Variants in IFT122 observed in about 807,000 individuals in gnomAD.
IFT122 encodes the protein intraflagellar transport 122, also known as intraflagellar transport protein 122 homolog.
IFT122 carries 118 observed loss-of-function variants against 161.6 expected under a neutral mutation model. That is an observed-to-expected ratio of 0.73 (90% CI 0.63 to 0.85). The LOEUF (loss-of-function observed/expected upper bound fraction) is 0.85, where lower values mean the gene tolerates loss of function less well. Ranked by LOEUF, IFT122 falls within the 40% of genes least tolerant of loss-of-function variation. IFT122 has a pLI of 0.00. For synonymous variants in IFT122, 550 were observed against 602.4 expected, an observed-to-expected ratio of 0.91 and a Z score of 1.27; for missense variants, 1,381 against 1,579.6, an observed-to-expected ratio of 0.87 and a Z score of 2.13.
chr3:129,497,652 C>G (rs931495238), intron 18 of IFT122, among the ~76,000 whole-genome samples: 4 of 152,128 alleles, frequency 2.6e-5, no homozygotes, highest in African/African-American at 9.7e-5. Context: ...TGCTCCGTCT[C>G]TCTATGAAGG....
At chr3:129,457,287 C>T (rs901571630) in intron 3 of IFT122, among the ~76,000 whole-genome samples, 3 of 152,172 alleles carry the variant, frequency 2.0e-5, no homozygotes, top group Non-Finnish European at 2.9e-5. Flanking sequence ...TATGAAAATG[C>T]GAATCTGATC....
rs6799876 is a variant in IFT122, at chr3:129,500,101, G to T, written c.2375+33G>T. On this transcript the variant is annotated intron_variant, in intron 19 of 29. Transcript: ENST00000348417. ...TTGGTCCCTGCCCCGAGAAGCATTT[G>T]GCAGCATGTCATCACATGTCACCTC... 0.11 allele frequency: 177,112 copies of T among 1,612,318 alleles called. 11,846 individuals carry two copies. The highest frequency in any genetic ancestry group is 0.25 in the South Asian group (22,570 of 90,988).
chr3:129,480,039 A>C, intron 13 of IFT122, 117 bp downstream of exon 13: 1 of 1,291,304 alleles, frequency 7.7e-7, no homozygotes, highest in Non-Finnish European at 1.1e-6. Context: ...TCTCTCCTCC[A>C]TGGGTGAATT....
At position 129,492,294 on chromosome 3, in the gene IFT122, CAG is replaced by C; in HGVS notation, c.2046+103_2046+104del. 1.2e-5 allele frequency: 12 copies of C among 967,266 alleles called. 1 individual carries two copies. The South Asian group carries it at 1.3e-4, about 10-fold the overall frequency. 59.9% of individuals were successfully genotyped at this position (967,266 alleles called of 1,614,324 possible). On this transcript the variant is annotated intron_variant, in intron 17 of 29. Transcript: ENST00000348417. ...GGCAAGAGCCTTGAGGACATGGGAA[CAG>C]AGCTCACTGGCGTCTGGGCATCTGG...
At position 129,520,328 on chromosome 3, in the gene IFT122, G is replaced by T; in HGVS notation, c.*63G>T. On this transcript the variant is annotated 3_prime_UTR_variant, in exon 30 of 30. Coordinates refer to ENST00000348417, the MANE Select transcript of IFT122 (RefSeq NM_052989.3). ...TTGGGGTCTGCTGGGCTGTGAAGGA[G>T]AATAAAGAGTTAAACTGTCAGAATG... The T allele has an allele frequency of 1.6e-6, 2 of 1,254,196 alleles. No individual in the cohort carries two copies. Among genetic ancestry groups the T allele is most frequent in the Non-Finnish European group, 1.1e-6 (1 of 878,788 alleles). The allele number at this position is 1,254,196 out of a possible 1,614,324, so 77.7% of individuals were successfully genotyped here. A position where few individuals can be genotyped will look rare whatever the true frequency, so the allele number is the denominator to read the frequency against.
chr3:129,450,009 C>T, intron 2 of IFT122, 72 bp downstream of exon 2: 1 of 976,450 alleles, frequency 1.0e-6, no homozygotes, highest in Non-Finnish European at 1.6e-6. Context: ...TGAAATTTGA[C>T]CCTTTTTTTT....
At chr3:129,504,122 C>T in intron 20 of IFT122, 197 bp from the exon 21 acceptor site, 1 of 546,902 alleles carries the variant, frequency 1.8e-6, no homozygotes, top group Non-Finnish European at 3.3e-6. Flanking sequence ...TTGCATATTG[C>T]TGTTAATTGC....
Position 129,440,336 on chromosome 3 carries a change from G to A in IFT122, c.6G>A (p.Arg2=). Residue 2 remains arginine, a synonymous_variant, in exon 1 of 30, where the codon AGG becomes AGA. Coordinates refer to ENST00000348417, the MANE Select transcript of IFT122 (RefSeq NM_052989.3). M[R]AVLTWRDKAE... is the part of the protein sequence containing the mutation. ...GAGCCGTAAGGGAAGCCGTGATGAGGGCCGTGTTGACGTGGAGAGATAAAG... is the reference window on the plus strand; with the variant it reads ...GAGCCGTAAGGGAAGCCGTGATGAGAGCCGTGTTGACGTGGAGAGATAAAG... 6.4e-7 allele frequency: 1 copy of A among 1,550,982 alleles called. No individual in the cohort carries two copies. The highest frequency in any genetic ancestry group is 8.7e-7 in the Non-Finnish European group (1 of 1,146,848).
In IFT122 at chr3:129,440,229, A is replaced by C; in HGVS notation, c.-102A>C. 6.9e-7 allele frequency: 1 copy of C among 1,442,478 alleles called. No individual in the cohort carries two copies. The highest frequency in any genetic ancestry group is 9.5e-7 in the Non-Finnish European group (1 of 1,049,636). 89.4% of individuals were successfully genotyped at this position (1,442,478 alleles called of 1,614,324 possible). A position where few individuals can be genotyped will look rare whatever the true frequency, so the allele number is the denominator to read the frequency against. ...GCATGTACGTTGCCAGGGGTAACGC[A>C]GGTAGCCAAAGTGGCTTGTGGAGTG... On this transcript the variant is annotated 5_prime_UTR_variant, in exon 1 of 30. Coordinates refer to ENST00000348417, the MANE Select transcript of IFT122 (RefSeq NM_052989.3).
Position 129,478,007 on chromosome 3 carries a change from C to CT in IFT122, c.1148-6dup, listed in dbSNP as rs766762179. ...TCTTGCTAGAACTAGATATTTTTTTCTTTGACAGTTCGGATTAAATGCAAA... is the reference window on the plus strand; with the variant it reads ...TCTTGCTAGAACTAGATATTTTTTTCTTTTGACAGTTCGGATTAAATGCAAA... On this transcript the variant is annotated splice_polypyrimidine_tract_variant and intron_variant, in intron 11 of 29. Coordinates refer to ENST00000348417, the MANE Select transcript of IFT122 (RefSeq NM_052989.3). 2 of 1,612,326 alleles carry CT rather than the reference C, an allele frequency of 1.2e-6. No individual in the cohort carries two copies.
chr3:129,452,722 C>T (rs1274640791), intron 3 of IFT122, among the ~76,000 whole-genome samples: 1 of 152,144 alleles, frequency 6.6e-6, no homozygotes, highest in Non-Finnish European at 1.5e-5. Flanking sequence ...ACTGAAAGGT[C>T]CTCAGCAGAG....
At chr3:129,460,839 T>A (rs1302515879) in intron 4 of IFT122, 1 of 1,605,514 alleles carries the variant, frequency 6.2e-7, no homozygotes, top group Non-Finnish European at 8.5e-7. Context: ...GTCTAAGGAT[T>A]TGTCATGTTT....
chr3:129,520,098 G>A (rs1280169237), intron 29 of IFT122, 78 bp from the exon 30 acceptor site: 4 of 1,180,968 alleles, frequency 3.4e-6, no homozygotes, highest in Non-Finnish European at 5.0e-6. Flanking sequence ...CCCCTTGAGA[G>A]GCAGTGCGTC....
At chr3:129,513,232 C>G (rs2083051243) in intron 24 of IFT122, 1 of 152,236 alleles carries the variant, frequency 6.6e-6, no homozygotes, top group South Asian at 2.1e-4. Context: ...CATTACCAGG[C>G]AATGATCCAG....
At chr3:129,481,748 C>A in intron 14 of IFT122, 54 bp downstream of exon 14, 1 of 1,588,988 alleles carries the variant, frequency 6.3e-7, no homozygotes, top group South Asian at 1.1e-5. Flanking sequence ...AGACTCTCCT[C>A]TAGCTTCCCA....
chr3:129,510,463 C>A (rs1274474320), intron 23 of IFT122, among the ~76,000 whole-genome samples: 1 of 152,196 alleles, frequency 6.6e-6, no homozygotes, highest in Non-Finnish European at 1.5e-5. Context: ...TGAAACGAGA[C>A]CCCCTCAGGG....
chr3:129,490,342 G>A (rs776691220), intron 16 of IFT122, among the ~76,000 whole-genome samples: 16 of 152,138 alleles, frequency 1.1e-4, no homozygotes, highest in Non-Finnish European at 2.2e-4. Flanking sequence ...TGGATATAGT[G>A]GTTCCTAGAG....
Position 129,463,616 on chromosome 3 carries a change from A to G in IFT122, c.406A>G (p.Ile136Val). 3 of 1,612,384 alleles carry G rather than the reference A, an allele frequency of 1.9e-6. No individual in the cohort carries two copies. Among genetic ancestry groups the G allele is most frequent in the Non-Finnish European group, 2.5e-6 (3 of 1,178,484 alleles). Reference sequence around the variant, plus strand: ...CAAACACAAATCAAGCAGCAAGATCATCTGCTGCAGGTAAGTGCAGCTCTG... The same window carrying G: ...CAAACACAAATCAAGCAGCAAGATCGTCTGCTGCAGGTAAGTGCAGCTCTG... ...VSKHKSSSKI[I>V]CCSWTNDGQY... Residue 136 changes from isoleucine to valine, a missense_variant, in exon 6 of 30, where the codon ATC (isoleucine) becomes GTC (valine). Ile to Val is a conservative substitution (Grantham distance 29). This residue lies in a region of IFT122 where 544 missense variants were observed against 648.0 expected (regional missense o/e 0.84). Transcript: ENST00000348417.
chr3:129,464,521 A>C lies in IFT122; in HGVS notation c.417-114A>C, dbSNP rs576700258. ...ACCGGCAATAATGAAACCATATCCC[A>C]GCTGTTGCTGCCTCATCAGACTTTT... On this transcript the variant is annotated intron_variant, in intron 6 of 29. Transcript: ENST00000348417. 103 of 1,209,848 alleles carry C rather than the reference A, an allele frequency of 8.5e-5. 1 individual carries two copies. The South Asian group carries it at 1.1e-3, about 13-fold the overall frequency. 74.9% of individuals were successfully genotyped at this position (1,209,848 alleles called of 1,614,324 possible).
Sources: gnomAD v4.1 joint callset for allele counts (sites outside exome capture counted in the v4.1 genomes callset) on GRCh38, gnomAD v4.1.1 for gene constraint, gnomAD v4.1.1 regional missense constraint, MANE v1.5 for transcripts, NCBI Gene and HGNC (gene_info 2026-07-23, HGNC 2026-07-21) for gene names.